The following SLC25A26 variants were observed in gnomAD, a reference collection of about 807,000 sequenced individuals.
The protein encoded by SLC25A26 is mitochondrial S-adenosylmethionine carrier protein.
Under a neutral mutation model 37.8 loss-of-function variants are expected in SLC25A26, and 36 were observed. That is an observed-to-expected ratio of 0.95 (90% CI 0.73 to 1.26). SLC25A26 has a LOEUF of 1.26. Ranked by LOEUF, SLC25A26 falls within the 50% of genes most tolerant of loss-of-function variation. The probability of loss-of-function intolerance (pLI) is 0.00; values close to 1 mark genes in which losing one functional copy is unlikely to be tolerated. For missense variants in SLC25A26, 390 were observed against 331.1 expected (o/e 1.18, Z -1.38); for synonymous variants, 129 against 122.5 (o/e 1.05, Z -0.35).
rs961708861 is a variant in SLC25A26, at chr3:66,192,054, C to T, written c.-353-28688C>T. ...CCAATAGGCCAGGTGCAATGGCTCA[C>T]GCCTGTAATCCCAGCACTTTGAGAG... On this transcript the variant is annotated intron_variant, in intron 1 of 10. Transcript: ENST00000676754. Among the ~76,000 whole-genome samples the T allele has an allele frequency of 1.9e-3, 291 of 151,816 alleles. 1 individual carries two copies. Among genetic ancestry groups the T allele is most frequent in the African/African-American group, 5.6e-3 (233 of 41,370 alleles).
At chr3:66,284,625 C>T (rs913166246) in intron 5 of SLC25A26, among the ~76,000 whole-genome samples, 29 of 152,240 alleles carry the variant, frequency 1.9e-4, no homozygotes, top group African/African-American at 6.5e-4. Context: ...GAATAATACA[C>T]AGTAGTGTAA....
At chr3:66,352,953 GTTTA>G (rs1484420852) in intron 6 of SLC25A26, among the ~76,000 whole-genome samples, 3 of 152,256 alleles carry the variant, frequency 2.0e-5, no homozygotes, top group African/African-American at 7.2e-5. Context: ...TAATAAATTA[GTTTA>G]TTTAGTTATG....
At chr3:66,253,127 G>C (rs1158641055) in intron 3 of SLC25A26, among the ~76,000 whole-genome samples, 1 of 151,812 alleles carries the variant, frequency 6.6e-6, no homozygotes, top group Non-Finnish European at 1.5e-5. Flanking sequence ...TGAGATGGGG[G>C]CCGGGCGCAG....
At chr3:66,361,337 A>G (rs553035963) in intron 6 of SLC25A26, among the ~76,000 whole-genome samples, 1 of 152,348 alleles carries the variant, frequency 6.6e-6, no homozygotes, top group Non-Finnish European at 1.5e-5. Context: ...ACTTTGAGTT[A>G]GGCAAAGATT....
At chr3:66,146,099 G>C (rs2070110799) in intron 1 of SLC25A26, among the ~76,000 whole-genome samples, 1 of 152,036 alleles carries the variant, frequency 6.6e-6, no homozygotes, top group African/African-American at 2.4e-5. Flanking sequence ...CAGCACTTTG[G>C]GAGGCTGAGG....
intron 6 of SLC25A26, among the ~76,000 whole-genome samples, chr3:66,354,833 G>A (rs2076538518): frequency 6.6e-6 from 1 of 152,132 alleles, no homozygotes; most frequent in African/African-American, 2.4e-5. Flanking sequence ...AAAAACAAGA[G>A]TTTGCCTGCA....
At chr3:66,328,309 T>G (rs2075888243) in intron 5 of SLC25A26, among the ~76,000 whole-genome samples, 1 of 152,188 alleles carries the variant, frequency 6.6e-6, no homozygotes, top group South Asian at 2.1e-4. Context: ...TCAACTACTT[T>G]CCCCGATAAC....
At chr3:66,152,908 GC>G (rs1454761141) in intron 1 of SLC25A26, among the ~76,000 whole-genome samples, 1 of 152,126 alleles carries the variant, frequency 6.6e-6, no homozygotes, top group Non-Finnish European at 1.5e-5. Context: ...CTCAACTCTG[GC>G]CGTTTAGAAT....
intron 5 of SLC25A26, among the ~76,000 whole-genome samples, chr3:66,299,764 T>A (rs1327495237): frequency 1.3e-5 from 2 of 151,838 alleles, no homozygotes; most frequent in Admixed American, 6.6e-5. Flanking sequence ...GTCTTGATTG[T>A]TTGACTGTCA....
At chr3:66,281,431 A>G (rs1011008372) in intron 5 of SLC25A26, among the ~76,000 whole-genome samples, 2 of 152,204 alleles carry the variant, frequency 1.3e-5, no homozygotes, top group African/African-American at 4.8e-5. Context: ...CATTTGTTAC[A>G]TTGGTGATTG....
intron 6 of SLC25A26, among the ~76,000 whole-genome samples, chr3:66,362,645 GTTTAC>G (rs772110746): frequency 6.6e-6 from 1 of 152,154 alleles, no homozygotes; most frequent in Non-Finnish European, 1.5e-5. Flanking sequence ...TCTGAAAATT[GTTTAC>G]TTTGAGCACT....
chr3:66,236,505 C>T, intron 1 of SLC25A26, 39 bp from the exon 2 acceptor site: 3 of 1,267,592 alleles, frequency 2.4e-6, no homozygotes, highest in African/African-American at 1.5e-5. Context: ...TTGTTGTAAC[C>T]TTTTTTTTTT....
chr3:66,160,255 G>T (rs1274114137), intron 1 of SLC25A26, among the ~76,000 whole-genome samples: 2 of 152,174 alleles, frequency 1.3e-5, no homozygotes, highest in African/African-American at 4.8e-5. Flanking sequence ...ATGCCAAAGT[G>T]CTGGGATTAC....
intron 1 of SLC25A26, among the ~76,000 whole-genome samples, chr3:66,191,602 A>G (rs2070943300): frequency 6.6e-6 from 1 of 152,130 alleles, no homozygotes; most frequent in African/African-American, 2.4e-5. Flanking sequence ...TGTAAGTTAA[A>G]ATCCTGGCTG....
rs551462799 is a variant in SLC25A26, at chr3:66,322,631, G to A, written c.454-23733G>A. Among the ~76,000 whole-genome samples the A allele has an allele frequency of 2.4e-4, 36 of 152,324 alleles. No individual in the cohort carries two copies. The South Asian group carries it at 7.0e-3, about 30-fold the overall frequency. On this transcript the variant is annotated intron_variant, in intron 5 of 9. Coordinates refer to ENST00000354883, the MANE Select transcript of SLC25A26 (RefSeq NM_001379210.1). ...CTCAAATGAACTATAAAATGATTCA[G>A]TGACAACATGTGGTTTTAATAACAA...
At chr3:66,240,654 T>A (rs1487202886) in intron 2 of SLC25A26, among the ~76,000 whole-genome samples, 3 of 152,148 alleles carry the variant, frequency 2.0e-5, no homozygotes, top group East Asian at 3.9e-4. Context: ...TTTGATGAAT[T>A]TTAACTTTTT....
chr3:66,293,142 A>G (rs1422952359), intron 5 of SLC25A26: 2 of 152,056 alleles, frequency 1.3e-5, no homozygotes, highest in African/African-American at 2.4e-5. Flanking sequence ...ACGAATTTGC[A>G]TGTCATCCTT....
chr3:66,213,097 T>C (rs2106840755), intron 1 of SLC25A26, among the ~76,000 whole-genome samples: 1 of 152,268 alleles, frequency 6.6e-6, no homozygotes, highest in South Asian at 2.1e-4. Flanking sequence ...ATTGGGAATT[T>C]CAAGAACTAG....
intron 1 of SLC25A26, among the ~76,000 whole-genome samples, chr3:66,141,290 G>A (rs574994447): frequency 2.0e-5 from 3 of 151,298 alleles, no homozygotes; most frequent in South Asian, 4.2e-4. Context: ...CTCGAGCTGG[G>A]GTCTTGCTGC....
Sources: gnomAD v4.1 joint callset for allele counts (sites outside exome capture counted in the v4.1 genomes callset) on GRCh38, gnomAD v4.1.1 for gene constraint, MANE v1.5 for transcripts, NCBI Gene and HGNC (gene_info 2026-07-23, HGNC 2026-07-21) for gene names.